The following TFB1M variants were observed in gnomAD, a reference collection of about 807,000 sequenced individuals.
TFB1M encodes transcription factor B1, mitochondrial, also known as dimethyladenosine transferase 1, mitochondrial.
In TFB1M, 27 loss-of-function variants were observed where a neutral mutation model predicts 31.1. The ratio of observed to expected loss-of-function variants is 0.87; its 90% confidence interval spans 0.64 to 1.20. The LOEUF (loss-of-function observed/expected upper bound fraction) is 1.20. TFB1M is among the 50% of genes most tolerant of loss of function. The probability of loss-of-function intolerance (pLI) is 0.00; values close to 1 mark genes in which losing one functional copy is unlikely to be tolerated. For synonymous variants in TFB1M, 166 were observed against 151.8 expected, an observed-to-expected ratio of 1.09 and a Z score of -0.69; for missense variants, 394 against 418.7, an observed-to-expected ratio of 0.94 and a Z score of 0.51.
At position 155,260,596 on chromosome 6, in the gene TFB1M, C is replaced by G. The variant is rs924251625; in HGVS notation, c.667-196G>C. The G allele has an allele frequency of 6.0e-6, 4 of 668,496 alleles. No homozygotes were observed. In the Admixed American group the frequency reaches 8.4e-5, roughly 14 times the overall value. The allele number at this position is 668,496 out of a possible 1,614,324, so 41.4% of individuals were successfully genotyped here. A position where few individuals can be genotyped will look rare whatever the true frequency, so the allele number is the denominator to read the frequency against. Reference sequence around the variant, plus strand: ...GGATTCGCAAATGACATGGAGAAATCAGCCGGCTGCACCTGTTCTCTAATG... The same window carrying G: ...GGATTCGCAAATGACATGGAGAAATGAGCCGGCTGCACCTGTTCTCTAATG... On this transcript the variant is annotated intron_variant, in intron 5 of 6. Transcript: ENST00000367166.
intron 5 of TFB1M, among the ~76,000 whole-genome samples, chr6:155,271,400 C>A (rs749874203): frequency 6.6e-6 from 1 of 152,050 alleles, no homozygotes. Flanking sequence ...CATAACATTT[C>A]CTGAATCTCT....
the TFB1M span, among the ~76,000 whole-genome samples, chr6:155,243,674 C>G: frequency 1.3e-5 from 2 of 151,754 alleles, no homozygotes; most frequent in African/African-American, 4.8e-5. Flanking sequence ...TGGTGAAACC[C>G]TGCCCCTACT....
chr6:155,305,468 A>AATATATATTAAATTATATATTTATAT (rs1777670683), intron 2 of TFB1M, among the ~76,000 whole-genome samples: 1 of 25,356 alleles, frequency 3.9e-5, no homozygotes, highest in African/African-American at 2.4e-4. Flanking sequence ...TATATATATA[A>AATATATATTAAATTATATATTTATAT]ATATATATTA....
At chr6:155,235,690 T>G in the TFB1M span, among the ~76,000 whole-genome samples, 2 of 152,346 alleles carry the variant, frequency 1.3e-5, no homozygotes, top group African/African-American at 2.4e-5. Context: ...ATGTTAAGTG[T>G]ACAAAAGGTG....
At chr6:155,263,038 G>C (rs1349651637) in intron 5 of TFB1M, among the ~76,000 whole-genome samples, 1 of 152,130 alleles carries the variant, frequency 6.6e-6, no homozygotes, top group Admixed American at 6.5e-5. Flanking sequence ...GTAAAACTCA[G>C]CGTCAACAAA....
At chr6:155,310,992 C>CT (rs765480032) in intron 2 of TFB1M, 196 bp downstream of exon 2, 2 of 633,622 alleles carry the variant, frequency 3.2e-6, no homozygotes, top group Non-Finnish European at 5.5e-6. Context: ...AATAGACCCT[C>CT]TGAGAGTGCT....
In TFB1M at chr6:155,298,513, C is replaced by A. The variant is rs144355958; in HGVS notation, c.358G>T (p.Ala120Ser). The A allele has an allele frequency of 9.1e-5, 147 of 1,612,642 alleles. No individual in the cohort carries two copies. Among genetic ancestry groups the A allele is most frequent in the Admixed American group, 2.8e-4 (17 of 59,990 alleles). ...GGTCTTTTAAGACTTTCTGAAAAAG[C>A]CTTTTCTACCTTAAATGTCAAGACA... ...GDVLTFKVEKAFSESLKRPWE... is the reference protein window; with the variant it reads ...GDVLTFKVEKSFSESLKRPWE... The change falls in exon 3 of 7, where the codon GCT becomes TCT. Residue 120 changes from alanine (A) to serine (S), a missense_variant. Around this residue, in one of 3 missense-constraint regions of TFB1M, gnomAD observed 273 missense variants for 256.4 expected, o/e 1.06. Transcript: ENST00000367166.
At chr6:155,286,418 T>C (rs777528111) in intron 4 of TFB1M, among the ~76,000 whole-genome samples, 9 of 151,204 alleles carry the variant, frequency 6.0e-5, no homozygotes, top group Non-Finnish European at 1.2e-4. Context: ...CTTTCTAAAA[T>C]ATATGTATCT....
At chr6:155,299,036 T>C (rs1234234749) in intron 2 of TFB1M, among the ~76,000 whole-genome samples, 1 of 152,166 alleles carries the variant, frequency 6.6e-6, no homozygotes, top group Admixed American at 6.5e-5. Flanking sequence ...CTATATATCA[T>C]CAAGATCTTT....
At chr6:155,250,275 T>C in the TFB1M span, among the ~76,000 whole-genome samples, 1 of 149,292 alleles carries the variant, frequency 6.7e-6, no homozygotes, top group Non-Finnish European at 1.5e-5. Flanking sequence ...CTGGGGCTTT[T>C]CCTTTTTGAT....
chr6:155,250,634 A>G, the TFB1M span: 4 of 1,535,488 alleles, frequency 2.6e-6, no homozygotes, highest in African/African-American at 1.4e-5. Context: ...GGTAGAGTTC[A>G]TCTTATGGAA....
chr6:155,243,340 C>T, the TFB1M span, among the ~76,000 whole-genome samples: 1 of 152,130 alleles, frequency 6.6e-6, no homozygotes, highest in Non-Finnish European at 1.5e-5. Flanking sequence ...CTGGGGTGCA[C>T]CTGACACCAG....
intron 2 of TFB1M, among the ~76,000 whole-genome samples, chr6:155,306,559 T>G (rs908525822): frequency 6.6e-6 from 1 of 152,136 alleles, no homozygotes; most frequent in Non-Finnish European, 1.5e-5. Flanking sequence ...AGCAAACTAC[T>G]GATAAACACC....
intron 5 of TFB1M, among the ~76,000 whole-genome samples, chr6:155,277,596 T>C (rs2114718465): frequency 6.6e-6 from 1 of 152,268 alleles, no homozygotes; most frequent in East Asian, 1.9e-4. Context: ...GACTAACATA[T>C]CCTATACCTA....
the TFB1M span, chr6:155,240,763 G>T: frequency 6.4e-7 from 1 of 1,553,184 alleles, no homozygotes; most frequent in Non-Finnish European, 8.7e-7. Flanking sequence ...ATGGCAAGTG[G>T]TATGCTGGCA....
chr6:155,254,172 C>T (rs1184369898), downstream of TFB1M: 5 of 1,207,422 alleles, frequency 4.1e-6, no homozygotes, highest in Non-Finnish European at 5.8e-6. Context: ...GGGTCATACT[C>T]CCCACCCTCC....
chr6:155,253,988 C>A (rs753532328), downstream of TFB1M: 5 of 1,612,670 alleles, frequency 3.1e-6, no homozygotes, highest in Non-Finnish European at 4.2e-6. Context: ...GAAAATAATT[C>A]CATATGGGAA....
At chr6:155,302,352 A>G (rs899866657) in intron 2 of TFB1M, among the ~76,000 whole-genome samples, 1 of 152,204 alleles carries the variant, frequency 6.6e-6, no homozygotes, top group African/African-American at 2.4e-5. Context: ...ATGAGAAGGA[A>G]AGAATCTATA....
At chr6:155,294,706 G>A (rs531125950) in intron 4 of TFB1M, among the ~76,000 whole-genome samples, 1 of 152,308 alleles carries the variant, frequency 6.6e-6, no homozygotes, top group East Asian at 1.9e-4. Flanking sequence ...CACACTGCTG[G>A]TGGGAATATA....
Sources: allele counts gnomAD v4.1 joint callset (sites outside exome capture counted in the v4.1 genomes callset), GRCh38; gene constraint gnomAD v4.1.1; regional missense constraint gnomAD v4.1.1; transcripts MANE v1.5; gene names NCBI Gene and HGNC (gene_info 2026-07-23, HGNC 2026-07-21).